Variants in RABGAP1L observed in about 807,000 individuals in gnomAD.
RABGAP1L encodes the protein rab GTPase-activating protein 1-like.
Under a neutral mutation model 137.7 loss-of-function variants are expected in RABGAP1L, and 63 were observed. The ratio of observed to expected loss-of-function variants is 0.46; its 90% confidence interval spans 0.37 to 0.56. RABGAP1L has a LOEUF of 0.56. Among genes scored for constraint, RABGAP1L ranks in the 20% least tolerant of loss-of-function variants. RABGAP1L has a pLI of 0.00. For synonymous variants in RABGAP1L, 431 were observed against 433.7 expected, an observed-to-expected ratio of 0.99 and a Z score of 0.08; for missense variants, 1,095 against 1,244.0, an observed-to-expected ratio of 0.88 and a Z score of 1.80.
chr1:174,596,443 T>C (rs976730151), intron 13 of RABGAP1L, among the ~76,000 whole-genome samples: 2 of 152,238 alleles, frequency 1.3e-5, no homozygotes, highest in Non-Finnish European at 2.9e-5. Context: ...CTTCTTTGGT[T>C]AAGTTATTCC....
At chr1:174,253,693 A>G (rs1672892636) in intron 7 of RABGAP1L, among the ~76,000 whole-genome samples, 1 of 152,226 alleles carries the variant, frequency 6.6e-6, no homozygotes. Flanking sequence ...AATCTGAACA[A>G]CAAAATAATT....
intron 13 of RABGAP1L, among the ~76,000 whole-genome samples, chr1:174,597,096 T>A (rs1295553815): frequency 6.6e-6 from 1 of 152,222 alleles, no homozygotes; most frequent in Non-Finnish European, 1.5e-5. Context: ...ATGTTTTTAA[T>A]GTGTTGTTGA....
At chr1:174,957,787 TTCCTTGATTGATTTAGA>T in intron 20 of RABGAP1L, 1 of 1,104,782 alleles carries the variant, frequency 9.1e-7, no homozygotes, top group Non-Finnish European at 1.4e-6. Context: ...CCCTCTGTTC[TTCCTTGATTGATTTAGA>T]TGCTCTCTGA....
chr1:174,706,119 A>G (rs534247854), intron 17 of RABGAP1L, among the ~76,000 whole-genome samples: 2 of 152,296 alleles, frequency 1.3e-5, no homozygotes, highest in South Asian at 2.1e-4. Flanking sequence ...GTATCATGAC[A>G]TGCTTTCCTA....
At chr1:174,575,393 A>G (rs1260862668) in intron 13 of RABGAP1L, among the ~76,000 whole-genome samples, 2 of 152,174 alleles carry the variant, frequency 1.3e-5, no homozygotes, top group Non-Finnish European at 2.9e-5. Context: ...TACTGGGGGA[A>G]GTCTTGAGTT....
At position 174,214,514 on chromosome 1, in the gene RABGAP1L, A is replaced by T. The variant is rs376205928; in HGVS notation, c.-33-4611A>T. ...TAAAATTTATATGAAACTACAAAAG[A>T]CCCAGAATAGCCAAAACTATCCTAA... On this transcript the variant is annotated intron_variant, in intron 1 of 25. Coordinates refer to ENST00000681986, the MANE Select transcript of RABGAP1L (RefSeq NM_001366446.1). 1.1e-4 allele frequency among the ~76,000 whole-genome samples: 17 copies of T among 152,340 alleles called. No individual in the cohort carries two copies. In the East Asian group the frequency reaches 2.7e-3, roughly 24 times the overall value.
intron 20 of RABGAP1L, among the ~76,000 whole-genome samples, chr1:174,960,854 C>T (rs1348373583): frequency 1.3e-5 from 2 of 151,960 alleles, no homozygotes; most frequent in Non-Finnish European, 2.9e-5. Flanking sequence ...TTAGTGATGC[C>T]CATTAATTTC....
intron 24 of RABGAP1L, among the ~76,000 whole-genome samples, chr1:174,984,157 T>C (rs1437757716): frequency 6.7e-6 from 1 of 150,146 alleles, no homozygotes; most frequent in Non-Finnish European, 1.5e-5. Flanking sequence ...TGTTAACCCA[T>C]CCTCTAAGTT....
chr1:174,949,321 G>A (rs1558270969), intron 19 of RABGAP1L, among the ~76,000 whole-genome samples: 1 of 152,216 alleles, frequency 6.6e-6, no homozygotes, highest in Non-Finnish European at 1.5e-5. Context: ...CTATGAACAT[G>A]GGGAGTCCAC....
At chr1:174,291,276 T>TTA (rs1253399257) in intron 10 of RABGAP1L, among the ~76,000 whole-genome samples, 1 of 152,068 alleles carries the variant, frequency 6.6e-6, no homozygotes, top group African/African-American at 2.4e-5. Context: ...TGATTTTTTT[T>TTA]AAACATTAAG....
chr1:174,924,177 G>A (rs1273454660), intron 19 of RABGAP1L, among the ~76,000 whole-genome samples: 1 of 150,970 alleles, frequency 6.6e-6, no homozygotes, highest in Non-Finnish European at 1.5e-5. Context: ...TCACGAGGTC[G>A]AGAGATTGAG....
At chr1:174,969,931 A>G (rs1193476775) in intron 21 of RABGAP1L, among the ~76,000 whole-genome samples, 3 of 152,240 alleles carry the variant, frequency 2.0e-5, no homozygotes, top group African/African-American at 4.8e-5. Context: ...AAAGGTGTCT[A>G]TCTCATAGAG....
chr1:174,507,120 T>A, intron 13 of RABGAP1L, among the ~76,000 whole-genome samples: 1 of 152,138 alleles, frequency 6.6e-6, no homozygotes, highest in East Asian at 1.9e-4. Flanking sequence ...TGTTTGAAAA[T>A]ATGAGAAGAA....
chr1:174,968,510 TTTC>T (rs1379689973), intron 20 of RABGAP1L, among the ~76,000 whole-genome samples: 9 of 151,500 alleles, frequency 5.9e-5, no homozygotes, highest in African/African-American at 1.7e-4. Flanking sequence ...GTTTTTTTTT[TTTC>T]TTTCTTTTTG....
At chr1:174,437,029 T>G (rs1653431542) in intron 13 of RABGAP1L, among the ~76,000 whole-genome samples, 3 of 152,206 alleles carry the variant, frequency 2.0e-5, no homozygotes, top group Admixed American at 2.0e-4. Context: ...GAAGGAAAAC[T>G]AACAAACAGA....
At chr1:174,214,429 T>G (rs2148444070) in intron 1 of RABGAP1L, among the ~76,000 whole-genome samples, 1 of 152,248 alleles carries the variant, frequency 6.6e-6, no homozygotes, top group South Asian at 2.1e-4. Context: ...ATCTATAGAT[T>G]AAATGTAATC....
At chr1:174,520,875 C>T (rs571085257) in intron 13 of RABGAP1L, among the ~76,000 whole-genome samples, 57 of 152,106 alleles carry the variant, frequency 3.7e-4, no homozygotes, top group African/African-American at 1.3e-3. Context: ...GTGGTGCATG[C>T]CTATAGTCCC....
chr1:174,900,289 A>G (rs1307531498), intron 19 of RABGAP1L, among the ~76,000 whole-genome samples: 1 of 152,226 alleles, frequency 6.6e-6, no homozygotes, highest in Non-Finnish European at 1.5e-5. Flanking sequence ...GGGCCTGATC[A>G]TAAGAGCCCC....
intron 17 of RABGAP1L, among the ~76,000 whole-genome samples, chr1:174,730,870 AAACTT>A (rs1333773095): frequency 4.6e-5 from 7 of 152,252 alleles, no homozygotes; most frequent in African/African-American, 1.4e-4. Flanking sequence ...CCTAGAAAAA[AAACTT>A]AATGAGTAGA....
Sources: gnomAD v4.1 joint callset for allele counts (sites outside exome capture counted in the v4.1 genomes callset) on GRCh38, gnomAD v4.1.1 for gene constraint, MANE v1.5 for transcripts, NCBI Gene and HGNC (gene_info 2026-07-23, HGNC 2026-07-21) for gene names.